ATAD2: variants seen among roughly 807,000 people sequenced by gnomAD.
The protein encoded by ATAD2 is ATPase family AAA domain containing 2.
Under a neutral mutation model 168.9 loss-of-function variants are expected in ATAD2, and 62 were observed. The ratio of observed to expected loss-of-function variants is 0.37; its 90% confidence interval spans 0.30 to 0.45. The LOEUF is 0.45. Ranked by LOEUF, ATAD2 falls within the 20% of genes least tolerant of loss-of-function variation. The pLI is 1.00. For missense variants in ATAD2, 1,419 were observed against 1,667.8 expected (o/e 0.85, Z 2.60); for synonymous variants, 613 against 571.6 (o/e 1.07, Z -1.03).
At chr8:123,377,750 C>A (rs1465082855) in intron 2 of ATAD2, among the ~76,000 whole-genome samples, 2 of 152,156 alleles carry the variant, frequency 1.3e-5, no homozygotes, top group Non-Finnish European at 2.9e-5. Context: ...ATGTGCCAAA[C>A]ATTCATTTAA....
rs972202235 is a variant in ATAD2, at chr8:123,346,114, G to GTAC, written c.2501_2503dup (p.Ser834dup). 2.5e-6 allele frequency: 4 copies of GTAC among 1,587,442 alleles called. No individual in the cohort carries two copies. The highest frequency in any genetic ancestry group is 3.4e-6 in the Non-Finnish European group (4 of 1,169,384). On this transcript the variant is annotated inframe_insertion, in exon 18 of 28. Coordinates refer to ENST00000287394, the MANE Select transcript of ATAD2 (RefSeq NM_014109.4). ...GGCACATGTTTCTTCAGGGGATGTAGTACTAACTCCAAAAAGAACAGGAAT... is the reference window on the plus strand; with the variant it reads ...GGCACATGTTTCTTCAGGGGATGTAGTACTACTAACTCCAAAAAGAACAGGAAT...
At chr8:123,378,473 G>A (rs1336328905) in intron 2 of ATAD2, among the ~76,000 whole-genome samples, 1 of 151,988 alleles carries the variant, frequency 6.6e-6, no homozygotes, top group Non-Finnish European at 1.5e-5. Flanking sequence ...AGGCTGAGGT[G>A]GGTGGATCAC....
intron 2 of ATAD2, among the ~76,000 whole-genome samples, chr8:123,373,788 CAAA>C (rs11285869): frequency 3.7e-4 from 27 of 72,846 alleles, no homozygotes; most frequent in African/African-American, 4.4e-4. Flanking sequence ...CACCTCGCCT[CAAA>C]AAAAAAAAAA....
chr8:123,377,199 G>C (rs1829345806), intron 2 of ATAD2, among the ~76,000 whole-genome samples: 1 of 151,346 alleles, frequency 6.6e-6, no homozygotes, highest in African/African-American at 2.4e-5. Context: ...AGCCTGGGGG[G>C]TTGAGGCTAC....
rs969525538 is a variant in ATAD2, at chr8:123,396,429, C to A, written c.-72G>T. 5 of 1,404,922 alleles carry A rather than the reference C, an allele frequency of 3.6e-6. No individual in the cohort carries two copies. The East Asian group carries it at 8.1e-5, about 23-fold the overall frequency. The allele number at this position is 1,404,922 out of a possible 1,614,324, so 87.0% of individuals were successfully genotyped here. The stretch of plus-strand genomic sequence containing the variant: ...GCTCCAGGCGCTCGCAGCTCTGGCT[C>A]TTCCGCGCTCCGAATTCTGGCGCCA... On this transcript the variant is annotated 5_prime_UTR_variant, in exon 1 of 28. Transcript: ENST00000287394.
intron 2 of ATAD2, among the ~76,000 whole-genome samples, chr8:123,379,188 T>C (rs1829415882): frequency 6.6e-6 from 1 of 152,154 alleles, no homozygotes; most frequent in South Asian, 2.1e-4. Context: ...TTAGCCAAAC[T>C]ACCTAATCCA....
intron 25 of ATAD2, among the ~76,000 whole-genome samples, chr8:123,327,211 G>C (rs1409090621): frequency 6.6e-6 from 1 of 152,168 alleles, no homozygotes; most frequent in Non-Finnish European, 1.5e-5. Flanking sequence ...ACCGTGAAGA[G>C]AGACTTTTCT....
intron 1 of ATAD2, chr8:123,401,696 C>G (rs1275854246): frequency 2.7e-6 from 2 of 753,228 alleles, no homozygotes; most frequent in African/African-American, 3.4e-5. Context: ...CGTCAAGGTG[C>G]CGGCCCTTGG....
chr8:123,411,811 A>G (rs1376104510), intron 1 of ATAD2, among the ~76,000 whole-genome samples: 1 of 152,142 alleles, frequency 6.6e-6, no homozygotes, highest in Non-Finnish European at 1.5e-5. Flanking sequence ...TCCTGCTTAT[A>G]ATAGAAAGTT....
intron 1 of ATAD2, among the ~76,000 whole-genome samples, chr8:123,385,553 A>G (rs565010120): frequency 5.9e-5 from 9 of 152,262 alleles, no homozygotes; most frequent in East Asian, 5.8e-4. Flanking sequence ...AAGAACTAAA[A>G]AACAATTTAG....
chr8:123,343,741 A>T (rs1427172987), intron 19 of ATAD2, among the ~76,000 whole-genome samples: 3 of 152,254 alleles, frequency 2.0e-5, no homozygotes, highest in Non-Finnish European at 4.4e-5. Flanking sequence ...AACAGAGTCA[A>T]GCAAATTAAT....
rs190793320 is a variant in ATAD2 at position 123,412,172 on chromosome 8, A to G, written c.-2282+4076T>C. ...TAGATATGGCCCCCAATAAGACATC[A>G]GGAGCCTGGGTAACAGATATTGCAG... On this transcript the variant is annotated intron_variant, in intron 1 of 28. Coordinates refer to the ATAD2 transcript ENST00000521903. Among the ~76,000 whole-genome samples, 5 of 152,362 alleles carry G rather than the reference A, an allele frequency of 3.3e-5. No individual in the cohort carries two copies. In the East Asian group the frequency reaches 9.6e-4, roughly 29 times the overall value.
chr8:123,383,193 C>T (rs537226965), intron 1 of ATAD2, among the ~76,000 whole-genome samples: 1 of 151,908 alleles, frequency 6.6e-6, no homozygotes, highest in East Asian at 1.9e-4. Context: ...CAGGGCCTTT[C>T]GGGGAGTGGG....
intron 24 of ATAD2, among the ~76,000 whole-genome samples, chr8:123,331,859 A>G (rs1563834158): frequency 6.6e-6 from 1 of 152,202 alleles, no homozygotes; most frequent in African/African-American, 2.4e-5. Flanking sequence ...CATCGTTTTA[A>G]GCAGATACTC....
chr8:123,378,060 G>C (rs1004090611), intron 2 of ATAD2, among the ~76,000 whole-genome samples: 2 of 152,154 alleles, frequency 1.3e-5, no homozygotes, highest in East Asian at 3.8e-4. Flanking sequence ...TAAACCTTAA[G>C]ACTTCAAATT....
At chr8:123,361,507 C>A in intron 9 of ATAD2, 32 bp downstream of exon 9, 1 of 1,532,744 alleles carries the variant, frequency 6.5e-7, no homozygotes, top group Non-Finnish European at 9.0e-7. Context: ...AATGTGTCTG[C>A]TAGTTTAAAA....
At chr8:123,410,904 T>C (rs913022794) in intron 1 of ATAD2, among the ~76,000 whole-genome samples, 2 of 152,252 alleles carry the variant, frequency 1.3e-5, no homozygotes, top group Admixed American at 1.3e-4. Flanking sequence ...CCATTGTTCC[T>C]GCATGGCTAA....
intron 18 of ATAD2, 74 bp downstream of exon 18, chr8:123,346,012 C>G: frequency 8.1e-7 from 1 of 1,227,324 alleles, no homozygotes; most frequent in Non-Finnish European, 1.1e-6. Context: ...AAACACAATA[C>G]AAAAAAATGG....
At chr8:123,335,261 G>A (rs533672519) in intron 22 of ATAD2, among the ~76,000 whole-genome samples, 28 of 152,252 alleles carry the variant, frequency 1.8e-4, no homozygotes, top group Non-Finnish European at 4.0e-4. Flanking sequence ...AGGGTACCTC[G>A]TTTCTTCTTC....
Sources: gnomAD v4.1 joint callset for allele counts (sites outside exome capture counted in the v4.1 genomes callset) on GRCh38, gnomAD v4.1.1 for gene constraint, MANE v1.5 for transcripts, NCBI Gene and HGNC (gene_info 2026-07-23, HGNC 2026-07-21) for gene names.